C1orf232: variants seen among roughly 807,000 people sequenced by gnomAD.
C1orf232 encodes chromosome 1 open reading frame 230.
C1orf232 carries 10 observed loss-of-function variants against 12.1 expected under a neutral mutation model. That is an observed-to-expected ratio of 0.82 (90% confidence interval 0.51 to 1.40). The LOEUF is 1.40. Among genes scored for constraint, C1orf232 ranks in the 40% most tolerant of loss-of-function variants. The pLI is 0.00. For synonymous variants in C1orf232, 36 were observed against 39.8 expected, an observed-to-expected ratio of 0.90 and a Z score of 0.36; for missense variants, 88 against 98.4, an observed-to-expected ratio of 0.89 and a Z score of 0.45.
In C1orf232 at chr1:26,164,876, C is replaced by T. The variant is rs1273631216; in HGVS notation, c.267-421G>A. On this transcript the variant is annotated intron_variant, in intron 3 of 3. Transcript: ENST00000634842. The surrounding 1 kb of genome is among the most constrained non-coding windows in gnomAD (Gnocchi z 4.2). The stretch of plus-strand genomic sequence containing the variant: ...CTGTTCAGATCCCCCCTGAGGGAAG[C>T]CCTGGGGAAAAGAGGCGGGGCACAG... Among the ~76,000 whole-genome samples the T allele has an allele frequency of 6.6e-6, 1 of 151,926 alleles. No individual in the cohort carries two copies. Among genetic ancestry groups the T allele is most frequent in the Non-Finnish European group, 1.5e-5 (1 of 67,982 alleles).
rs570129720 is a variant in C1orf232, at chr1:26,164,312, T to C, written c.410A>G (p.Glu137Gly). The C allele has an allele frequency of 6.3e-4, 252 of 397,632 alleles. 1 individual carries two copies. The highest frequency in any genetic ancestry group is 4.5e-3 in the African/African-American group (220 of 48,682). The allele number at this position is 397,632 out of a possible 1,614,324, so 24.6% of individuals were successfully genotyped here. A position where few individuals can be genotyped will look rare whatever the true frequency, so the allele number is the denominator to read the frequency against. The change falls in exon 4 of 4, where the codon GAG becomes GGG. Residue 137 changes from glutamate to glycine, a missense_variant. Physicochemically the swap from Glu to Gly is moderately conservative, Grantham distance 98. Coordinates refer to ENST00000634842, the MANE Select transcript of C1orf232 (RefSeq NM_001364669.2). This position sits in a 1 kb window ranked among gnomAD's most constrained non-coding sequence, Gnocchi z 4.2. ...SMLRGTEPTP[E>G]PDPEPADEAA... Reference sequence around the variant, plus strand: ...CTCGTCCGCGGGTTCGGGGTCCGGCTCCGGAGTGGGCTCGGTGCCGCGCAG... The same window carrying C: ...CTCGTCCGCGGGTTCGGGGTCCGGCCCCGGAGTGGGCTCGGTGCCGCGCAG...
chr1:26,166,162 G>A, intron 1 of C1orf232, 44 bp from the exon 2 acceptor site: 1 of 1,217,628 alleles, frequency 8.2e-7, no homozygotes, highest in African/African-American at 1.6e-5. Context: ...GGCCGCAGAG[G>A]AGTGAGATCT....
rs528333477 is a variant in C1orf232 at position 26,165,667 on chromosome 1, G to T, written c.266+159C>A. 51 of 1,182,638 alleles carry T rather than the reference G, an allele frequency of 4.3e-5. No individual in the cohort carries two copies. The South Asian group carries it at 2.0e-3, about 45-fold the overall frequency. The allele number at this position is 1,182,638 out of a possible 1,614,324, so 73.3% of individuals were successfully genotyped here. Reference sequence around the variant, plus strand: ...TTTACCCTAATCTCCCAGATATGCTGATTTGGCCTGTTTCCTGCTGAGAGA... The same window carrying T: ...TTTACCCTAATCTCCCAGATATGCTTATTTGGCCTGTTTCCTGCTGAGAGA... On this transcript the variant is annotated intron_variant, in intron 3 of 3. Coordinates refer to ENST00000634842, the MANE Select transcript of C1orf232 (RefSeq NM_001364669.2).
intron 1 of C1orf232, among the ~76,000 whole-genome samples, chr1:26,167,182 C>T (rs1010120921): frequency 1.3e-5 from 2 of 152,194 alleles, no homozygotes; most frequent in African/African-American, 2.4e-5. Context: ...TCACAGCCTC[C>T]AGACATAAGA....
chr1:26,167,089 T>C (rs1038778918), intron 1 of C1orf232, among the ~76,000 whole-genome samples: 7 of 152,194 alleles, frequency 4.6e-5, no homozygotes, highest in Admixed American at 6.5e-5. Flanking sequence ...TCTCCAGACA[T>C]TTAAGAATTC....
At position 26,164,665 on chromosome 1, in the gene C1orf232, A is replaced by G. The variant is rs1433547215; in HGVS notation, c.267-210T>C. On this transcript the variant is annotated intron_variant, in intron 3 of 3. Transcript: ENST00000634842. The surrounding 1 kb of genome is among the most constrained non-coding windows in gnomAD (Gnocchi z 4.2). ...GGGGAGGGCTCAGAGGCCCTGGGAA[A>G]GGGGTCTGGGGTGGGACAGGGTCAG... Among the ~76,000 whole-genome samples the G allele has an allele frequency of 6.8e-6, 1 of 147,364 alleles. No homozygotes were observed.
chr1:26,164,969 G>A lies in C1orf232; in HGVS notation c.267-514C>T, dbSNP rs1004469757. Among the ~76,000 whole-genome samples, 5 of 152,052 alleles carry A rather than the reference G, an allele frequency of 3.3e-5. No homozygotes were observed. The highest frequency in any genetic ancestry group is 1.2e-4 in the African/African-American group (5 of 41,394). On this transcript the variant is annotated intron_variant, in intron 3 of 3. Transcript: ENST00000634842. This position sits in a 1 kb window ranked among gnomAD's most constrained non-coding sequence, Gnocchi z 4.2. ...GCACGGGAGAAAGGTGGAGCGACAGGAAGGCCTAGGTCAGAGGCTTAGGGG... is the reference window on the plus strand; with the variant it reads ...GCACGGGAGAAAGGTGGAGCGACAGAAAGGCCTAGGTCAGAGGCTTAGGGG...
At chr1:26,165,578 T>C in intron 3 of C1orf232, 1 of 537,472 alleles carries the variant, frequency 1.9e-6, no homozygotes, top group Non-Finnish European at 2.8e-6. Flanking sequence ...AGCGGATGGG[T>C]CGTGAGAGCC....
In C1orf232 at chr1:26,168,488, G is replaced by T; in HGVS notation, c.12C>A (p.Ala4=). Residue 4 remains alanine, a synonymous_variant, in exon 1 of 4, where the codon GCC becomes GCA. Coordinates refer to ENST00000634842, the MANE Select transcript of C1orf232 (RefSeq NM_001364669.2). MNQ[A]FWKTYKSKVL... is the part of the protein sequence containing the mutation. Reference sequence around the variant, plus strand: ...CTTTGGACTTGTAGGTTTTCCAGAAGGCCTGGTTCATGGCTGCAGGGGGAA... The same window carrying T: ...CTTTGGACTTGTAGGTTTTCCAGAATGCCTGGTTCATGGCTGCAGGGGGAA... 8.1e-7 allele frequency: 1 copy of T among 1,231,968 alleles called. No homozygotes were observed. Among genetic ancestry groups the T allele is most frequent in the Non-Finnish European group, 1.0e-6 (1 of 988,126 alleles). 76.3% of individuals were successfully genotyped at this position (1,231,968 alleles called of 1,614,324 possible). A position where few individuals can be genotyped will look rare whatever the true frequency, so the allele number is the denominator to read the frequency against.
rs1395468881 is a variant in C1orf232 at position 26,164,828 on chromosome 1, G to A, written c.267-373C>T. ...TCTGGGAAGCTGGAAGGATCCCTGG[G>A]AAAGCAGGTGGGAGCGGGAGGGCTG... On this transcript the variant is annotated intron_variant, in intron 3 of 3. Coordinates refer to ENST00000634842, the MANE Select transcript of C1orf232 (RefSeq NM_001364669.2). The surrounding 1 kb of genome is among the most constrained non-coding windows in gnomAD (Gnocchi z 4.2). Among the ~76,000 whole-genome samples, 2 of 152,148 alleles carry A rather than the reference G, an allele frequency of 1.3e-5. No individual in the cohort carries two copies. The highest frequency in any genetic ancestry group is 2.9e-5 in the Non-Finnish European group (2 of 68,026).
intron 1 of C1orf232, among the ~76,000 whole-genome samples, chr1:26,167,196 T>C (rs1311752130): frequency 6.6e-6 from 1 of 152,208 alleles, no homozygotes; most frequent in Non-Finnish European, 1.5e-5. Context: ...CATAAGACTG[T>C]CCCTGGTTTC....
At chr1:26,167,509 G>A (rs933045777) in intron 1 of C1orf232, among the ~76,000 whole-genome samples, 3 of 152,290 alleles carry the variant, frequency 2.0e-5, no homozygotes, top group Admixed American at 2.0e-4. Flanking sequence ...ATTTTTAGTA[G>A]AGGCAGGGTT....
intron 1 of C1orf232, among the ~76,000 whole-genome samples, chr1:26,166,509 G>T (rs1030261572): frequency 1.3e-5 from 2 of 149,640 alleles, no homozygotes; most frequent in African/African-American, 5.0e-5. Context: ...TAGAGATGGG[G>T]TTTTGCCATG....
chr1:26,166,190 C>G (rs2088424086), intron 1 of C1orf232, 72 bp from the exon 2 acceptor site: 2 of 1,127,598 alleles, frequency 1.8e-6, no homozygotes, highest in African/African-American at 3.2e-5. Context: ...CCACTGCTAG[C>G]CTAGTACACA....
chr1:26,164,857 A>G lies in C1orf232; in HGVS notation c.267-402T>C, dbSNP rs1018483906. On this transcript the variant is annotated intron_variant, in intron 3 of 3. Transcript: ENST00000634842. This position sits in a 1 kb window ranked among gnomAD's most constrained non-coding sequence, Gnocchi z 4.2. ...GCAGGTGGGAGCGGGAGGGCTGTTC[A>G]GATCCCCCCTGAGGGAAGCCCTGGG... 6.6e-6 allele frequency among the ~76,000 whole-genome samples: 1 copy of G among 152,088 alleles called. No homozygotes were observed. The highest frequency in any genetic ancestry group is 6.5e-5 in the Admixed American group (1 of 15,272).
At position 26,168,736 on chromosome 1, in the gene C1orf232, G is replaced by A. The variant is rs77355741; in HGVS notation, c.-237C>T. ...TTCTGCCACCTTAGCCCCTTGTCTTGACCCATATTGGCCAAGAATAATGAA... is the reference window on the plus strand; with the variant it reads ...TTCTGCCACCTTAGCCCCTTGTCTTAACCCATATTGGCCAAGAATAATGAA... On this transcript the variant is annotated 5_prime_UTR_variant, in exon 1 of 4. An upstream open reading frame in the 5' UTR gains an earlier in-frame stop. Transcript: ENST00000634842. 0.013 allele frequency among the ~76,000 whole-genome samples: 1,948 copies of A among 152,304 alleles called. 56 individuals carry two copies. The highest frequency in any genetic ancestry group is 0.045 in the African/African-American group (1,860 of 41,558).
chr1:26,166,138 C>T lies in C1orf232; in HGVS notation c.85-20G>A. ...CTCCCTCTGGGACACAAGACCCCCA[C>T]ACAGCATGAGAGAGGCCGCAGAGGA... On this transcript the variant is annotated intron_variant, in intron 1 of 3. Transcript: ENST00000634842. The T allele has an allele frequency of 8.1e-7, 1 of 1,231,372 alleles. No homozygotes were observed. The allele number at this position is 1,231,372 out of a possible 1,614,324, so 76.3% of individuals were successfully genotyped here.
rs1309400348 is a variant in C1orf232 at position 26,164,413 on chromosome 1, C to T, written c.309G>A (p.Ala103=). The change falls in exon 4 of 4, where the codon GCG becomes GCA. Residue 103 remains alanine, a synonymous_variant. Transcript: ENST00000634842. This position sits in a 1 kb window ranked among gnomAD's most constrained non-coding sequence, Gnocchi z 4.2. ...CCCAGAAGCCCGGGCCGCGCGCCTC[C>T]GCCGCCGCCGCCGCCTGCGAGGGGG... ...ARPPSQAAAA[A]EARGPGFWDA... 1.3e-5 allele frequency: 5 copies of T among 376,118 alleles called. No individual in the cohort carries two copies. The highest frequency in any genetic ancestry group is 4.6e-5 in the Admixed American group (1 of 21,818). 23.3% of individuals were successfully genotyped at this position (376,118 alleles called of 1,614,324 possible).
intron 1 of C1orf232, 28 bp from the exon 2 acceptor site, chr1:26,166,146 G>A (rs1442189558): frequency 1.8e-5 from 22 of 1,229,124 alleles, no homozygotes; most frequent in Admixed American, 4.2e-5. Flanking sequence ...CACACAGCAT[G>A]AGAGAGGCCG....
Sources: gnomAD v4.1 joint callset for allele counts (sites outside exome capture counted in the v4.1 genomes callset) on GRCh38, gnomAD v4.1.1 for gene constraint, Gnocchi (gnomAD v3.1) non-coding constraint, MANE v1.5 for transcripts, NCBI Gene and HGNC (gene_info 2026-07-23, HGNC 2026-07-21) for gene names.